TSC2: variants seen among roughly 807,000 people sequenced by gnomAD.
TSC2 encodes TSC complex subunit 2.
TSC2 carries 29 observed loss-of-function variants against 202.2 expected under a neutral mutation model. That is an observed-to-expected ratio of 0.14 (90% CI 0.11 to 0.20). The LOEUF (loss-of-function observed/expected upper bound fraction) is 0.20. Among genes scored for constraint, TSC2 ranks in the 10% least tolerant of loss-of-function variants. TSC2 has a pLI of 1.00. For synonymous variants in TSC2, 1,349 were observed against 1,044.0 expected, an observed-to-expected ratio of 1.29 and a Z score of -5.63; for missense variants, 2,429 against 2,420.0, an observed-to-expected ratio of 1.00 and a Z score of -0.08.
intron 36 of TSC2, 51 bp from the exon 37 acceptor site, chr16:2,086,142 C>T (rs771756634): frequency 6.2e-7 from 1 of 1,606,368 alleles, no homozygotes; most frequent in Non-Finnish European, 8.5e-7. Flanking sequence ...CTCTGCGGGG[C>T]AGGGCCCGGC....
rs374674097 is a variant in TSC2 at position 2,088,219 on chromosome 16, G to A, written c.5161-8G>A. 2.5e-5 allele frequency: 41 copies of A among 1,612,920 alleles called. 1 individual carries two copies. The highest frequency in any genetic ancestry group is 4.5e-5 in the East Asian group (2 of 44,894). On this transcript the variant is annotated splice_region_variant and splice_polypyrimidine_tract_variant and intron_variant, in intron 40 of 41. Coordinates refer to ENST00000219476, the MANE Select transcript of TSC2 (RefSeq NM_000548.5). Reference sequence around the variant, plus strand: ...GATAGTGAGCTCACCCCCTGCCTACGTCCCCAGATGGCCTCACAGGTGCAT... The same window carrying A: ...GATAGTGAGCTCACCCCCTGCCTACATCCCCAGATGGCCTCACAGGTGCAT...
At position 2,088,112 on chromosome 16, in the gene TSC2, G is replaced by A. The variant is rs1596457919; in HGVS notation, c.5133G>A (p.Val1711=). The part of the protein sequence containing the change: ...KIVSDRNLPF[V]ARQMALHANM... ...TGTCTGACCGCAACCTGCCCTTCGT[G>A]GCCCGCCAGATGGCCCTGCACGCAA... The change falls in exon 40 of 42, where the codon GTG becomes GTA. Residue 1711 remains valine (V), a synonymous_variant. Transcript: ENST00000219476. The A allele has an allele frequency of 6.2e-7, 1 of 1,612,850 alleles. No homozygotes were observed. The highest frequency in any genetic ancestry group is 1.7e-5 in the Admixed American group (1 of 60,004).
chr16:2,058,649 C>T (rs2086207698), intron 9 of TSC2, 98 bp from the exon 10 acceptor site: 6 of 1,525,474 alleles, frequency 3.9e-6, no homozygotes, highest in East Asian at 2.4e-5. Context: ...ACAGGGACCT[C>T]TGGGGCTGCT....
chr16:2,080,053 C>A, intron 29 of TSC2, 112 bp from the exon 30 acceptor site: 1 of 1,448,402 alleles, frequency 6.9e-7, no homozygotes, highest in Non-Finnish European at 9.6e-7. Flanking sequence ...CTGCCACCGT[C>A]TCTGGCTGCC....
At chr16:2,057,752 G>C (rs1191181974) in intron 9 of TSC2, among the ~76,000 whole-genome samples, 1 of 152,094 alleles carries the variant, frequency 6.6e-6, no homozygotes, top group African/African-American at 2.4e-5. Context: ...TATGGAACCA[G>C]GCCCTGGGGC....
At chr16:2,073,801 C>A (rs181691340) in intron 21 of TSC2, among the ~76,000 whole-genome samples, 10 of 152,336 alleles carry the variant, frequency 6.6e-5, no homozygotes, top group Admixed American at 2.0e-4. Flanking sequence ...CCTGGCAGGC[C>A]ATCTGGCCCC....
At chr16:2,078,307 T>G (rs541042847) in intron 26 of TSC2, 1 of 164,154 alleles carries the variant, frequency 6.1e-6, no homozygotes, top group Non-Finnish European at 1.3e-5. Context: ...CTGTGGGTCA[T>G]CGCTGCTGGC....
At chr16:2,077,331 A>G in intron 25 of TSC2, 2 of 511,660 alleles carry the variant, frequency 3.9e-6, no homozygotes, top group Non-Finnish European at 7.1e-6. Context: ...TTTAATTTGC[A>G]CTGACGTTGT....
intron 37 of TSC2, 99 bp from the exon 38 acceptor site, chr16:2,086,633 C>A: frequency 1.3e-6 from 2 of 1,562,322 alleles, no homozygotes; most frequent in Non-Finnish European, 1.7e-6. Context: ...TCCCCGCAGG[C>A]CCCCAGAGCC....
Position 2,048,769 on chromosome 16 carries a change from G to T in TSC2, c.138+16G>T. On this transcript the variant is annotated intron_variant, in intron 2 of 41. Transcript: ENST00000219476. Reference sequence around the variant, plus strand: ...AATACTGAGAGTGAGTGAGCTACCTGTGTCTTTGCTAGGCTAGAGGGAAAT... The same window carrying T: ...AATACTGAGAGTGAGTGAGCTACCTTTGTCTTTGCTAGGCTAGAGGGAAAT... 1 of 1,614,002 alleles carries T rather than the reference G, an allele frequency of 6.2e-7. No homozygotes were observed. Among genetic ancestry groups the T allele is most frequent in the Non-Finnish European group, 8.5e-7 (1 of 1,179,996 alleles).
chr16:2,048,731 T>A lies in TSC2; in HGVS notation c.116T>A (p.Ile39Asn), dbSNP rs184437554. Residue 39 changes from isoleucine to asparagine, a missense_variant, in exon 2 of 42, where the codon ATC (isoleucine) becomes AAC (asparagine). By Grantham distance (149) the Ile-to-Asn change is moderately radical. Transcript: ENST00000219476. ...GCAGAGGGTAAACAGACGGAGTTTA[T>A]CATCACCGCGGAAATACTGAGAGTG... ...RSAEGKQTEF[I>N]ITAEILRELS... 1 of 1,614,014 alleles carries A rather than the reference T, an allele frequency of 6.2e-7. No homozygotes were observed. Among genetic ancestry groups the A allele is most frequent in the Non-Finnish European group, 8.5e-7 (1 of 1,180,026 alleles).
At chr16:2,071,452 C>G in intron 17 of TSC2, 58 bp from the exon 18 acceptor site, 1 of 1,596,292 alleles carries the variant, frequency 6.3e-7, no homozygotes, top group Non-Finnish European at 8.6e-7. Context: ...GGTGGGACGC[C>G]GCCTGTCCTG....
At position 2,048,001 on chromosome 16, in the gene TSC2, C is replaced by G. The variant is rs1421424412; in HGVS notation, c.-94C>G. The G allele has an allele frequency of 1.3e-5, 19 of 1,505,290 alleles. No homozygotes were observed. Among genetic ancestry groups the G allele is most frequent in the Middle Eastern group, 1.7e-4 (1 of 5,814 alleles). The allele number at this position is 1,505,290 out of a possible 1,614,324, so 93.2% of individuals were successfully genotyped here. ...GCGGGTCGCGCTTCCGGCGGCGTCC[C>G]GGGGCCAGGGGGGTGCGCCTTTCTC... is the stretch of plus-strand genomic sequence containing the variant. On this transcript the variant is annotated 5_prime_UTR_variant, in exon 1 of 42. Transcript: ENST00000219476.
chr16:2,080,603 C>G lies in TSC2; in HGVS notation c.3610+226C>G, dbSNP rs182662506. The G allele has an allele frequency of 1.0e-5, 6 of 573,396 alleles. No individual in the cohort carries two copies. The East Asian group carries it at 1.9e-4, about 18-fold the overall frequency. 35.5% of individuals were successfully genotyped at this position (573,396 alleles called of 1,614,324 possible). ...GGTTCACGCCATTCTCCTGCCTCAG[C>G]CTCCCGAGTAGCTGGGACCACAGGC... On this transcript the variant is annotated intron_variant, in intron 30 of 41. Coordinates refer to ENST00000219476, the MANE Select transcript of TSC2 (RefSeq NM_000548.5).
chr16:2,081,522 G>A, intron 30 of TSC2, 73 bp from the exon 31 acceptor site: 1 of 1,582,514 alleles, frequency 6.3e-7, no homozygotes, highest in South Asian at 1.1e-5. Context: ...CCCAGGCCAG[G>A]AGGCCCCTGG....
intron 32 of TSC2, 103 bp downstream of exon 32, chr16:2,082,607 C>G: frequency 7.4e-7 from 1 of 1,344,688 alleles, no homozygotes; most frequent in East Asian, 2.3e-5. Context: ...CCGTCTGCCT[C>G]CATTGCCCTG....
Position 2,062,550 on chromosome 16 carries a change from C to G in TSC2, c.1311C>G (p.Ala437=). 1 of 1,612,580 alleles carries G rather than the reference C, an allele frequency of 6.2e-7. No individual in the cohort carries two copies. ...ATAGAGCGCAGTCCATCCACCCGGC[C>G]AAGGACGGCTGGATTCAGAACCTGC... ...ISYRAQSIHP[A]KDGWIQNLQA... Residue 437 remains alanine (A), a synonymous_variant, in exon 13 of 42, where the codon GCC becomes GCG. Transcript: ENST00000219476.
chr16:2,065,645 C>T lies in TSC2; in HGVS notation c.1716+10C>T, dbSNP rs45464995. 1 of 1,611,020 alleles carries T rather than the reference C, an allele frequency of 6.2e-7. No individual in the cohort carries two copies. Among genetic ancestry groups the T allele is most frequent in the Middle Eastern group, 1.7e-4 (1 of 6,014 alleles). Reference sequence around the variant, plus strand: ...TCTGGTCATCCTTCAGGTGGGTGTTCTGCACGAGGCCTCTGCTCCCGGGGC... The same window carrying T: ...TCTGGTCATCCTTCAGGTGGGTGTTTTGCACGAGGCCTCTGCTCCCGGGGC... On this transcript the variant is annotated intron_variant, in intron 16 of 41. Transcript: ENST00000219476.
intron 33 of TSC2, 28 bp from the exon 34 acceptor site, chr16:2,084,200 G>A (rs1326530063): frequency 3.2e-6 from 5 of 1,559,822 alleles, no homozygotes; most frequent in Non-Finnish European, 4.3e-6. Context: ...CTGCTGACAG[G>A]GGTTCTCTTT....
Sources: allele counts gnomAD v4.1 joint callset (sites outside exome capture counted in the v4.1 genomes callset), GRCh38; gene constraint gnomAD v4.1.1; transcripts MANE v1.5; gene names NCBI Gene and HGNC (gene_info 2026-07-23, HGNC 2026-07-21).